The following DMXL1 variants were observed in gnomAD, a reference collection of about 807,000 sequenced individuals.
DMXL1 encodes the protein Dmx like 1.
A neutral mutation model predicts 319.2 loss-of-function variants in DMXL1; 99 were observed. The ratio of observed to expected loss-of-function variants is 0.31; its 90% confidence interval spans 0.26 to 0.37. DMXL1 has a LOEUF of 0.37. DMXL1 is among the 10% of genes least tolerant of loss of function. DMXL1 has a pLI of 1.00. For missense variants in DMXL1, 3,745 were observed against 3,595.6 expected (o/e 1.04, Z -1.06); for synonymous variants, 1,385 against 1,235.2 (o/e 1.12, Z -2.54).
intron 12 of DMXL1, 32 bp from the exon 13 acceptor site, chr5:119,134,236 G>A: frequency 6.2e-7 from 1 of 1,604,056 alleles, no homozygotes. Context: ...TCATCAAAGG[G>A]TGAAATTTTA....
At position 119,220,529 on chromosome 5, in the gene DMXL1, T is replaced by G. The variant is rs535423453; in HGVS notation, c.8071T>G (p.Ser2691Ala). ...SSHDVQELDV[S>A]GILATQVYTW... ...TCATGATGTTCAAGAACTGGATGTTTCTGGAATTCTGGCCACACAGGTCTA... is the reference window on the plus strand; with the variant it reads ...TCATGATGTTCAAGAACTGGATGTTGCTGGAATTCTGGCCACACAGGTCTA... Residue 2691 changes from serine (S) to alanine (A), a missense_variant, in exon 36 of 44, where the codon TCT becomes GCT. Transcript: ENST00000539542. 3.7e-6 allele frequency: 6 copies of G among 1,613,706 alleles called. No individual in the cohort carries two copies. The highest frequency in any genetic ancestry group is 5.1e-6 in the Non-Finnish European group (6 of 1,179,836).
At position 119,204,490 on chromosome 5, in the gene DMXL1, G is replaced by A. The variant is rs139882119; in HGVS notation, c.7863+1054G>A. Among the ~76,000 whole-genome samples, 5 of 151,212 alleles carry A rather than the reference G, an allele frequency of 3.3e-5. No individual in the cohort carries two copies. The East Asian group carries it at 9.7e-4, about 29-fold the overall frequency. ...TTCTGTGGATTATGCTTAAATTAATGAAATTTTACAAACCCAAATTAACCT... is the reference window on the plus strand; with the variant it reads ...TTCTGTGGATTATGCTTAAATTAATAAAATTTTACAAACCCAAATTAACCT... On this transcript the variant is annotated intron_variant, in intron 33 of 43. Coordinates refer to ENST00000539542, the MANE Select transcript of DMXL1 (RefSeq NM_001290321.3).
In DMXL1 at chr5:119,149,509, G is replaced by A. The variant is rs140855219; in HGVS notation, c.3682G>A (p.Val1228Met). Residue 1228 changes from valine to methionine, a missense_variant, in exon 18 of 44, where the codon GTG (valine) becomes ATG (methionine). This residue lies in a region of DMXL1 where 2,096 missense variants were observed against 1,985.4 expected (regional missense o/e 1.06). Coordinates refer to ENST00000539542, the MANE Select transcript of DMXL1 (RefSeq NM_001290321.3). ...ATCGTGGGTCCGGGATGGCATCCTT[G>A]TGGTAGGAATGGACTGTGAAATGCA... ...SLSWVRDGIL[V>M]VGMDCEMHVY... is the part of the protein sequence containing the mutation. The A allele has an allele frequency of 1.6e-4, 258 of 1,613,940 alleles. No individual in the cohort carries two copies. In the African/African-American group the frequency reaches 2.8e-3, roughly 17 times the overall value.
intron 38 of DMXL1, among the ~76,000 whole-genome samples, chr5:119,229,912 A>G (rs1043570232): frequency 6.6e-6 from 1 of 152,134 alleles, no homozygotes. Context: ...ACAGACCCAA[A>G]TATCTTTATT....
intron 17 of DMXL1, among the ~76,000 whole-genome samples, chr5:119,148,310 T>A (rs770632181): frequency 1.3e-5 from 2 of 152,144 alleles, no homozygotes; most frequent in Non-Finnish European, 2.9e-5. Flanking sequence ...AAAAATGCAT[T>A]GATACCTTTA....
At position 119,110,244 on chromosome 5, in the gene DMXL1, A is replaced by G; in HGVS notation, c.458A>G (p.Asp153Gly). 1 of 1,585,216 alleles carries G rather than the reference A, an allele frequency of 6.3e-7. No homozygotes were observed. Residue 153 changes from aspartate (D) to glycine (G), a missense_variant, in exon 5 of 44, where the codon GAT becomes GGT. By Grantham distance (94) the Asp-to-Gly change is moderately conservative. Coordinates refer to ENST00000539542, the MANE Select transcript of DMXL1 (RefSeq NM_001290321.3). Reference sequence around the variant, plus strand: ...GAAGATGAAAATTTAAATAAAACAGATCTTAACTTTGGAGATTGGAAATGC... The same window carrying G: ...GAAGATGAAAATTTAAATAAAACAGGTCTTAACTTTGGAGATTGGAAATGC... ...PTEDENLNKT[D>G]LNFGDWKCIW... is the part of the protein sequence containing the mutation.
intron 18 of DMXL1, among the ~76,000 whole-genome samples, chr5:119,151,362 T>C (rs1018753838): frequency 6.6e-6 from 1 of 152,132 alleles, no homozygotes; most frequent in Non-Finnish European, 1.5e-5. Context: ...AAGGAAAATA[T>C]AGGGTAAATT....
intron 19 of DMXL1, among the ~76,000 whole-genome samples, chr5:119,159,466 TC>T (rs1312234809): frequency 2.0e-5 from 3 of 152,262 alleles, no homozygotes; most frequent in African/African-American, 7.2e-5. Flanking sequence ...TTTTATTTTT[TC>T]ATATTTCAGT....
rs914114233 is a variant in DMXL1, at chr5:119,147,185, A to T, written c.2690-64A>T. ...AAGGCAGTTTTGGATTGTAAAATGT[A>T]ACAATCGTAATATTTATAGGGTTCC... On this transcript the variant is annotated intron_variant, in intron 16 of 43. Transcript: ENST00000539542. 7 of 1,379,442 alleles carry T rather than the reference A, an allele frequency of 5.1e-6. No individual in the cohort carries two copies. The South Asian group carries it at 9.0e-5, about 18-fold the overall frequency. The allele number at this position is 1,379,442 out of a possible 1,614,324, so 85.5% of individuals were successfully genotyped here.
chr5:119,127,942 G>T, intron 9 of DMXL1: 2 of 379,420 alleles, frequency 5.3e-6, no homozygotes, highest in Admixed American at 3.5e-5. Flanking sequence ...GTATCAAATG[G>T]TTTAAGTCCA....
chr5:119,132,685 A>AT, intron 10 of DMXL1: 1 of 443,262 alleles, frequency 2.3e-6, no homozygotes, highest in Admixed American at 3.0e-5. Flanking sequence ...AAAAAAAAAA[A>AT]AAAAATGGAG....
At chr5:119,126,033 C>G (rs981841586) in intron 9 of DMXL1, among the ~76,000 whole-genome samples, 3 of 152,094 alleles carry the variant, frequency 2.0e-5, no homozygotes, top group African/African-American at 7.2e-5. Context: ...GCTCACATCT[C>G]TAATCCCAGC....
At chr5:119,082,010 T>TAA (rs1752299639) in intron 1 of DMXL1, among the ~76,000 whole-genome samples, 1 of 77,146 alleles carries the variant, frequency 1.3e-5, no homozygotes, top group African/African-American at 3.4e-5. Flanking sequence ...TATATATATA[T>TAA]ATATATATAT....
At chr5:119,093,652 T>A (rs1045924629) in intron 1 of DMXL1, among the ~76,000 whole-genome samples, 2 of 152,124 alleles carry the variant, frequency 1.3e-5, no homozygotes, top group African/African-American at 4.8e-5. Context: ...TAGAAATGAT[T>A]AAGTTTAGTG....
In DMXL1 at chr5:119,233,334, A is replaced by C; in HGVS notation, c.8339-6A>C. 1.2e-6 allele frequency: 2 copies of C among 1,610,424 alleles called. No homozygotes were observed. The highest frequency in any genetic ancestry group is 2.2e-5 in the South Asian group (2 of 90,256). ...AATCTGCAATTTTTGCCCTCTTGTA[A>C]TGCAGATCTGACAGGAGCTCAAGAT... On this transcript the variant is annotated splice_region_variant and splice_polypyrimidine_tract_variant and intron_variant, in intron 38 of 43. Transcript: ENST00000539542.
At position 119,079,973 on chromosome 5, in the gene DMXL1, A is replaced by G. The variant is rs564125038; in HGVS notation, c.87+8317A>G. 8.5e-5 allele frequency among the ~76,000 whole-genome samples: 13 copies of G among 152,306 alleles called. No homozygotes were observed. The South Asian group carries it at 2.7e-3, about 32-fold the overall frequency. ...ATTCTACATGCAGCTCCTGGTGTAT[A>G]GTCTGTGATGGTGAGATCCCTGTCT... On this transcript the variant is annotated intron_variant, in intron 1 of 43. Transcript: ENST00000539542.
chr5:119,171,244 A>G lies in DMXL1; in HGVS notation c.6453A>G (p.Arg2151=). 1.2e-6 allele frequency: 2 copies of G among 1,603,798 alleles called. No individual in the cohort carries two copies. The highest frequency in any genetic ancestry group is 1.7e-4 in the Middle Eastern group (1 of 5,990). Residue 2151 remains arginine (R), a synonymous_variant, in exon 24 of 44, where the codon AGA becomes AGG. Coordinates refer to ENST00000539542, the MANE Select transcript of DMXL1 (RefSeq NM_001290321.3). ...GSHGGGLASV[R]MELILLLQES... ...ATGGTGGGGGTCTTGCATCTGTAAG[A>G]ATGGAATTGATTTTGCTTTTGCAAG...
chr5:119,216,922 C>T lies in DMXL1; in HGVS notation c.7948C>T (p.Pro2650Ser). 6.3e-7 allele frequency: 1 copy of T among 1,597,924 alleles called. No individual in the cohort carries two copies. The highest frequency in any genetic ancestry group is 1.1e-5 in the South Asian group (1 of 87,296). The change falls in exon 35 of 44, where the codon CCT becomes TCT. Residue 2650 changes from proline to serine, a missense_variant. By Grantham distance (74) the Pro-to-Ser change is moderately conservative (BLOSUM62 -1). This residue lies in a region of DMXL1 where 1,382 missense variants were observed against 1,269.5 expected (regional missense o/e 1.09). Coordinates refer to ENST00000539542, the MANE Select transcript of DMXL1 (RefSeq NM_001290321.3). ...INKIEADLGY[P>S]GGKARIIHKE... ...TTAGATAGAAGCAGATTTGGGATAT[C>T]CTGGAGGTAAAGCAAGAATTATTCA...
intron 28 of DMXL1, among the ~76,000 whole-genome samples, chr5:119,187,002 C>A (rs1777843402): frequency 6.6e-6 from 1 of 151,654 alleles, no homozygotes; most frequent in Non-Finnish European, 1.5e-5. Context: ...TGCAGCACAC[C>A]AACATGGCAC....
Sources: gnomAD v4.1 joint callset for allele counts (sites outside exome capture counted in the v4.1 genomes callset) on GRCh38, gnomAD v4.1.1 for gene constraint, gnomAD v4.1.1 regional missense constraint, MANE v1.5 for transcripts, NCBI Gene and HGNC (gene_info 2026-07-23, HGNC 2026-07-21) for gene names.